Variants in DLGAP2 observed in about 807,000 individuals in gnomAD.
The protein encoded by DLGAP2 is DLG associated protein 2, also known as disks large-associated protein 2.
In DLGAP2, 26 loss-of-function variants were observed where a neutral mutation model predicts 100.3. The ratio of observed to expected loss-of-function variants is 0.26; its 90% CI spans 0.19 to 0.36. The LOEUF (loss-of-function observed/expected upper bound fraction) is 0.36, where lower values mean the gene tolerates loss of function less well. Among genes scored for constraint, DLGAP2 ranks in the 10% least tolerant of loss-of-function variants. DLGAP2 has a pLI of 1.00. For synonymous variants in DLGAP2, 886 were observed against 630.1 expected, an observed-to-expected ratio of 1.41 and a Z score of -6.08; for missense variants, 1,858 against 1,453.2, an observed-to-expected ratio of 1.28 and a Z score of -4.53.
intron 1 of DLGAP2, among the ~76,000 whole-genome samples, chr8:886,264 T>C (rs1487028225): frequency 6.6e-6 from 1 of 151,566 alleles, no homozygotes; most frequent in Non-Finnish European, 1.5e-5. Context: ...GATTCTTCTC[T>C]CTCTTTTTCT....
At chr8:1,119,642 C>G (rs1795990508) in intron 2 of DLGAP2, among the ~76,000 whole-genome samples, 1 of 152,240 alleles carries the variant, frequency 6.6e-6, no homozygotes, top group South Asian at 2.1e-4. Context: ...ATGTGAACAG[C>G]TGAGCTTCAA....
chr8:1,496,290 C>G (rs1028589790), intron 3 of DLGAP2, among the ~76,000 whole-genome samples: 3 of 152,100 alleles, frequency 2.0e-5, no homozygotes, highest in Admixed American at 6.5e-5. Flanking sequence ...TCGGTGGAAG[C>G]ATCACAGGGC....
rs547993601 is a variant in DLGAP2, at chr8:968,438, A to G, written c.73+60472A>G. Reference sequence around the variant, plus strand: ...GTTCACAGGAAGTCCACAGGGAGGAACTCCAGAGCCTGTGCCTCCTGCTCC... The same window carrying G: ...GTTCACAGGAAGTCCACAGGGAGGAGCTCCAGAGCCTGTGCCTCCTGCTCC... On this transcript the variant is annotated intron_variant, in intron 2 of 14. Transcript: ENST00000637795. Among the ~76,000 whole-genome samples the G allele has an allele frequency of 1.3e-3, 195 of 152,156 alleles. 1 individual carries two copies. The highest frequency in any genetic ancestry group is 4.5e-3 in the African/African-American group (188 of 41,520).
chr8:742,426 T>C (rs1820511096), intron 1 of DLGAP2, among the ~76,000 whole-genome samples: 2 of 152,222 alleles, frequency 1.3e-5, no homozygotes, highest in Admixed American at 6.5e-5. Flanking sequence ...CAAGGGTCCA[T>C]AGAGTATGTA....
chr8:1,177,342 C>G (rs1797282430), intron 2 of DLGAP2, among the ~76,000 whole-genome samples: 1 of 152,082 alleles, frequency 6.6e-6, no homozygotes, highest in Non-Finnish European at 1.5e-5. Context: ...TATCATAAGC[C>G]TGGCTGTTTT....
intron 2 of DLGAP2, among the ~76,000 whole-genome samples, chr8:1,059,019 G>C (rs1214469437): frequency 1.3e-5 from 2 of 152,182 alleles, no homozygotes; most frequent in East Asian, 3.9e-4. Flanking sequence ...AGCAGCGTCT[G>C]CTTCTGAGAA....
At chr8:1,590,177 C>T (rs1328777049) in intron 6 of DLGAP2, among the ~76,000 whole-genome samples, 2 of 152,168 alleles carry the variant, frequency 1.3e-5, no homozygotes, top group Non-Finnish European at 2.9e-5. Context: ...GGAGCCCACT[C>T]CGGTGACCTC....
In DLGAP2 at chr8:1,392,883, G is replaced by GTT. The variant is rs1382773055; in HGVS notation, c.107-108481_107-108480dup. Among the ~76,000 whole-genome samples the GTT allele has an allele frequency of 5.5e-3, 773 of 139,772 alleles. 5 individuals carry two copies. The highest frequency in any genetic ancestry group is 0.02 in the African/African-American group (727 of 36,698). 91.7% of individuals were successfully genotyped at this position (139,772 alleles called of 152,430 possible). On this transcript the variant is annotated intron_variant, in intron 3 of 14. Coordinates refer to ENST00000637795, the MANE Select transcript of DLGAP2 (RefSeq NM_001346810.2). ...GGCGTGTGTCTTTGTTAAATGTGAC[G>GTT]TTTCTGTTTTTTTTTTGAGACGGAG...
chr8:866,289 C>G (rs934012172), intron 1 of DLGAP2, among the ~76,000 whole-genome samples: 2 of 152,196 alleles, frequency 1.3e-5, no homozygotes, highest in Non-Finnish European at 2.9e-5. Context: ...ACAAGGGGCC[C>G]TGATTCCCCC....
chr8:1,516,194 A>C (rs1156550386), intron 4 of DLGAP2, among the ~76,000 whole-genome samples: 1 of 151,756 alleles, frequency 6.6e-6, no homozygotes, highest in African/African-American at 2.4e-5. Flanking sequence ...ACTGAGTGAG[A>C]ATGAGTGAAT....
rs529605635 is a variant in DLGAP2, at chr8:875,170, G to C, written c.19-32742G>C. ...AAGTGTATCTCCACTAGGCAGGGTAGAGTTGGATCTTTTTTAAAAATTAAG... is the reference window on the plus strand; with the variant it reads ...AAGTGTATCTCCACTAGGCAGGGTACAGTTGGATCTTTTTTAAAAATTAAG... On this transcript the variant is annotated intron_variant, in intron 1 of 14. Transcript: ENST00000637795. Among the ~76,000 whole-genome samples the C allele has an allele frequency of 2.0e-5, 3 of 152,254 alleles. No individual in the cohort carries two copies. In the South Asian group the frequency reaches 6.2e-4, roughly 32 times the overall value.
intron 1 of DLGAP2, among the ~76,000 whole-genome samples, chr8:777,446 C>T (rs552931277): frequency 1.3e-5 from 2 of 151,970 alleles, no homozygotes; most frequent in African/African-American, 4.8e-5. Context: ...TTCCTAGTCT[C>T]GATGGTCTTT....
chr8:1,689,352 T>G (rs1799197315), intron 12 of DLGAP2, among the ~76,000 whole-genome samples: 1 of 152,226 alleles, frequency 6.6e-6, no homozygotes, highest in Admixed American at 6.5e-5. Flanking sequence ...AGCACCTGCA[T>G]GTGTCTAGGC....
intron 1 of DLGAP2, among the ~76,000 whole-genome samples, chr8:775,247 G>C (rs919067438): frequency 1.3e-5 from 2 of 152,034 alleles, no homozygotes; most frequent in African/African-American, 4.8e-5. Flanking sequence ...AGGAGATTTT[G>C]GGCTGAGACA....
intron 3 of DLGAP2, among the ~76,000 whole-genome samples, chr8:1,267,198 C>A (rs534065589): frequency 3.3e-3 from 506 of 151,168 alleles, no homozygotes; most frequent in Middle Eastern, 0.01. Flanking sequence ...CACCACTGCA[C>A]TCCAGCCTGG....
intron 3 of DLGAP2, among the ~76,000 whole-genome samples, chr8:1,321,631 C>T (rs529095210): frequency 6.6e-6 from 1 of 152,220 alleles, no homozygotes; most frequent in East Asian, 1.9e-4. Flanking sequence ...TTCATTTTCA[C>T]CTTTAGTATT....
intron 3 of DLGAP2, among the ~76,000 whole-genome samples, chr8:1,386,572 G>A (rs1796225590): frequency 6.6e-6 from 1 of 152,150 alleles, no homozygotes; most frequent in Non-Finnish European, 1.5e-5. Flanking sequence ...GGAGTAAGAG[G>A]GCCAGCCACA....
At position 1,609,571 on chromosome 8, in the gene DLGAP2, C is replaced by G. The variant is rs1180546027; in HGVS notation, c.1443-17169C>G. ...TTAAATGTAAATGGACTAAATGCTCCAATTAAAAGACACAGACTGGCAAGT... is the reference window on the plus strand; with the variant it reads ...TTAAATGTAAATGGACTAAATGCTCGAATTAAAAGACACAGACTGGCAAGT... On this transcript the variant is annotated intron_variant, in intron 6 of 14. Coordinates refer to ENST00000637795, the MANE Select transcript of DLGAP2 (RefSeq NM_001346810.2). Among the ~76,000 whole-genome samples, 2 of 131,666 alleles carry G rather than the reference C, an allele frequency of 1.5e-5. 1 individual carries two copies. The highest frequency in any genetic ancestry group is 1.7e-4 in the Admixed American group (2 of 12,096). The allele number at this position is 131,666 out of a possible 152,430, so 86.4% of individuals were successfully genotyped here.
chr8:1,636,528 T>G (rs1190692976), intron 8 of DLGAP2, among the ~76,000 whole-genome samples: 1 of 152,242 alleles, frequency 6.6e-6, no homozygotes, highest in Non-Finnish European at 1.5e-5. Context: ...TTTTTGTTGC[T>G]TTTTTAAAAT....
Sources: allele counts gnomAD v4.1 joint callset (sites outside exome capture counted in the v4.1 genomes callset), GRCh38; gene constraint gnomAD v4.1.1; transcripts MANE v1.5; gene names NCBI Gene and HGNC (gene_info 2026-07-23, HGNC 2026-07-21).